The following TENM4 variants were observed in gnomAD, a reference collection of about 807,000 sequenced individuals.
TENM4 encodes teneurin transmembrane protein 4.
Under a neutral mutation model 243.3 loss-of-function variants are expected in TENM4, and 82 were observed. That is an observed-to-expected ratio of 0.34 (90% CI 0.28 to 0.40). The LOEUF (loss-of-function observed/expected upper bound fraction) is 0.40. Ranked by LOEUF, TENM4 falls within the 10% of genes least tolerant of loss-of-function variation. TENM4 has a pLI of 1.00. For missense variants in TENM4, 3,138 were observed against 3,673.3 expected, an observed-to-expected ratio of 0.85 and a Z score of 3.77; for synonymous variants, 1,412 against 1,456.3, an observed-to-expected ratio of 0.97 and a Z score of 0.69.
At chr11:79,343,714 G>C (rs1391495353) in intron 1 of TENM4, among the ~76,000 whole-genome samples, 2 of 151,802 alleles carry the variant, frequency 1.3e-5, no homozygotes, top group Non-Finnish European at 2.9e-5. Context: ...TTTCTTCTCT[G>C]TGCTCTCTGA....
intron 28 of TENM4, among the ~76,000 whole-genome samples, chr11:78,698,002 G>C (rs1859007865): frequency 6.6e-6 from 1 of 152,176 alleles, no homozygotes; most frequent in African/African-American, 2.4e-5. Flanking sequence ...AAGTAACCTT[G>C]ATTCTCCAAA....
At chr11:79,124,835 G>GTA (rs1048032111) in intron 4 of TENM4, among the ~76,000 whole-genome samples, 4 of 137,248 alleles carry the variant, frequency 2.9e-5, no homozygotes, top group South Asian at 2.3e-4. Context: ...GTATGTGTGT[G>GTA]TATATATATA....
chr11:79,324,697 G>A (rs1856945598), intron 1 of TENM4, among the ~76,000 whole-genome samples: 1 of 152,044 alleles, frequency 6.6e-6, no homozygotes, highest in South Asian at 2.1e-4. Context: ...GATATATAGA[G>A]AAAGACACAT....
At chr11:78,894,968 A>G (rs1855752741) in intron 7 of TENM4, among the ~76,000 whole-genome samples, 1 of 131,442 alleles carries the variant, frequency 7.6e-6, no homozygotes, top group Admixed American at 8.7e-5. Context: ...CGGTCCAACG[A>G]GACTCGGCCT....
At chr11:79,295,762 T>C (rs1487157159) in intron 2 of TENM4, among the ~76,000 whole-genome samples, 2 of 151,976 alleles carry the variant, frequency 1.3e-5, no homozygotes, top group African/African-American at 2.4e-5. Context: ...TGAGCCAAGA[T>C]GAAAGAGTGA....
chr11:79,291,048 C>A (rs1856347830), intron 2 of TENM4, among the ~76,000 whole-genome samples: 1 of 152,102 alleles, frequency 6.6e-6, no homozygotes, highest in East Asian at 1.9e-4. Flanking sequence ...GCTTTCAGAT[C>A]TGCCACTGCA....
At chr11:79,385,830 G>A (rs1858100953) in intron 1 of TENM4, among the ~76,000 whole-genome samples, 1 of 151,968 alleles carries the variant, frequency 6.6e-6, no homozygotes. Context: ...TTAGTCTGTG[G>A]ACACAGGATC....
intron 12 of TENM4, among the ~76,000 whole-genome samples, chr11:78,839,110 C>A (rs1037868589): frequency 1.3e-5 from 2 of 152,136 alleles, no homozygotes; most frequent in Non-Finnish European, 2.9e-5. Context: ...AAGATGAGTA[C>A]CCTTTCATGA....
At chr11:79,066,271 T>C (rs947824810) in intron 5 of TENM4, among the ~76,000 whole-genome samples, 1 of 151,996 alleles carries the variant, frequency 6.6e-6, no homozygotes, top group South Asian at 2.1e-4. Flanking sequence ...TGAGAGTGAA[T>C]GTGGAGAATG....
chr11:79,227,340 G>C (rs1434301655), intron 2 of TENM4, among the ~76,000 whole-genome samples: 7 of 152,196 alleles, frequency 4.6e-5, no homozygotes, highest in African/African-American at 1.7e-4. Context: ...CTTCTTAGCT[G>C]TTTTGTCAAC....
chr11:78,733,033 A>G (rs561274985), intron 20 of TENM4, among the ~76,000 whole-genome samples: 66 of 152,146 alleles, frequency 4.3e-4, no homozygotes, highest in African/African-American at 1.3e-3. Context: ...TTTGATCCTC[A>G]TTTTTTTCAT....
chr11:78,895,837 T>C (rs1855779960), intron 7 of TENM4, among the ~76,000 whole-genome samples: 1 of 152,114 alleles, frequency 6.6e-6, no homozygotes, highest in African/African-American at 2.4e-5. Flanking sequence ...TTAAACCAGA[T>C]CTCTCTGACC....
intron 1 of TENM4, among the ~76,000 whole-genome samples, chr11:79,394,345 G>A (rs1052910897): frequency 2.6e-5 from 4 of 152,180 alleles, no homozygotes; most frequent in East Asian, 1.9e-4. Context: ...AAGGTCAGAA[G>A]CACAAGGGGA....
At position 78,738,971 on chromosome 11, in the gene TENM4, C is replaced by T. The variant is rs1050054510; in HGVS notation, c.2757-401G>A. Among the ~76,000 whole-genome samples, 5 of 151,688 alleles carry T rather than the reference C, an allele frequency of 3.3e-5. No homozygotes were observed. The South Asian group carries it at 8.3e-4, about 25-fold the overall frequency. The stretch of plus-strand genomic sequence containing the variant: ...TCTCTGAACTTCAGTAGGCATGTGC[C>T]AGTTCTTTGAGGCTTTTTTTTTTCA... On this transcript the variant is annotated intron_variant, in intron 19 of 33. Transcript: ENST00000278550.
At chr11:79,175,531 G>A (rs1863143140) in intron 3 of TENM4, among the ~76,000 whole-genome samples, 1 of 152,170 alleles carries the variant, frequency 6.6e-6, no homozygotes, top group Non-Finnish European at 1.5e-5. Flanking sequence ...CCTAAGAGAT[G>A]AATATTTAAT....
intron 2 of TENM4, among the ~76,000 whole-genome samples, chr11:79,239,280 C>T (rs1864543692): frequency 6.6e-6 from 1 of 152,202 alleles, no homozygotes; most frequent in African/African-American, 2.4e-5. Context: ...CGACAGGAAG[C>T]AATATGCTTT....
chr11:78,775,935 T>A (rs1448875105), intron 17 of TENM4, among the ~76,000 whole-genome samples: 1 of 152,186 alleles, frequency 6.6e-6, no homozygotes, highest in Non-Finnish European at 1.5e-5. Flanking sequence ...TTAGAAGACT[T>A]TCAGAATCCT....
chr11:78,989,456 T>C (rs1250297468), intron 6 of TENM4, among the ~76,000 whole-genome samples: 5 of 152,222 alleles, frequency 3.3e-5, no homozygotes, highest in Non-Finnish European at 5.9e-5. Context: ...ATAAATGTCT[T>C]CTCCATTTCA....
chr11:78,809,497 T>C (rs1857453317), intron 14 of TENM4, among the ~76,000 whole-genome samples: 1 of 152,166 alleles, frequency 6.6e-6, no homozygotes, highest in Non-Finnish European at 1.5e-5. Context: ...AGGTGGTAGG[T>C]AGACTCTGCC....
Sources: allele counts gnomAD v4.1 joint callset (sites outside exome capture counted in the v4.1 genomes callset), GRCh38; gene constraint gnomAD v4.1.1; transcripts MANE v1.5; gene names NCBI Gene and HGNC (gene_info 2026-07-23, HGNC 2026-07-21).